Variants in RAD51B observed in about 807,000 individuals in gnomAD.
RAD51B encodes the protein RAD51 paralog B, also known as DNA repair protein RAD51 homolog 2.
In RAD51B, 38 loss-of-function variants were observed where a neutral mutation model predicts 42.2. That is an observed-to-expected ratio of 0.90 (90% confidence interval 0.70 to 1.18). The LOEUF (loss-of-function observed/expected upper bound fraction) is 1.18, where lower values mean the gene tolerates loss of function less well. Ranked by LOEUF, RAD51B falls within the 50% of genes most tolerant of loss-of-function variation. The probability of loss-of-function intolerance (pLI) is 0.00; values close to 1 mark genes in which losing one functional copy is unlikely to be tolerated. For missense variants in RAD51B, 373 were observed against 400.7 expected (o/e 0.93, Z 0.59); for synonymous variants, 154 against 145.2 (o/e 1.06, Z -0.43).
At chr14:67,871,232 C>G (rs2042519208) in intron 5 of RAD51B, among the ~76,000 whole-genome samples, 1 of 151,852 alleles carries the variant, frequency 6.6e-6, no homozygotes, top group South Asian at 2.1e-4. Flanking sequence ...CAAATAGATG[C>G]AATAAAAAAT....
At chr14:68,371,899 A>G (rs1434793248) in intron 8 of RAD51B, among the ~76,000 whole-genome samples, 1 of 152,236 alleles carries the variant, frequency 6.6e-6, no homozygotes, top group Non-Finnish European at 1.5e-5. Flanking sequence ...GACAATGACA[A>G]AGCAGCTGAA....
Position 68,411,405 on chromosome 14 carries a change from T to A in RAD51B, c.854-19T>A. The A allele has an allele frequency of 6.2e-7, 1 of 1,608,434 alleles. No individual in the cohort carries two copies. The highest frequency in any genetic ancestry group is 8.5e-7 in the Non-Finnish European group (1 of 1,175,056). On this transcript the variant is annotated intron_variant, in intron 8 of 10. Transcript: ENST00000471583. ...CAAGAAAGGGCATCTGAAAGCGTGC[T>A]TTTACCATTTCATTTCAGGCACTTC...
intron 7 of RAD51B, among the ~76,000 whole-genome samples, chr14:68,185,026 A>G (rs2079130198): frequency 6.6e-6 from 1 of 152,164 alleles, no homozygotes; most frequent in South Asian, 2.1e-4. Context: ...TAGCAGTGGG[A>G]CTAGGAGTGA....
chr14:68,099,587 A>C (rs1453060034), intron 7 of RAD51B, among the ~76,000 whole-genome samples: 3 of 152,218 alleles, frequency 2.0e-5, no homozygotes. Context: ...TTTATGTTTA[A>C]GTAAGCCCCT....
intron 7 of RAD51B, among the ~76,000 whole-genome samples, chr14:67,946,448 A>C (rs747188553): frequency 1.1e-4 from 17 of 152,024 alleles, no homozygotes; most frequent in Non-Finnish European, 2.2e-4. Context: ...GGCTCACTGC[A>C]ACCTCCGCCT....
chr14:68,459,385 GA>G (rs1421764354), intron 9 of RAD51B, among the ~76,000 whole-genome samples: 3 of 152,224 alleles, frequency 2.0e-5, no homozygotes, highest in African/African-American at 7.2e-5. Flanking sequence ...ACCCTGGCAT[GA>G]AGGATTTCTG....
chr14:68,032,616 G>T (rs1271164835), intron 7 of RAD51B, among the ~76,000 whole-genome samples: 2 of 151,976 alleles, frequency 1.3e-5, no homozygotes, highest in South Asian at 2.1e-4. Flanking sequence ...TCTTCTTTGG[G>T]TGCTACCATT....
intron 10 of RAD51B, among the ~76,000 whole-genome samples, chr14:68,648,953 C>T (rs61987118): frequency 0.2 from 29,841 of 151,938 alleles, 3,066 homozygotes; most frequent in South Asian, 0.24. Flanking sequence ...GAGTGCAGTC[C>T]TAGGACTGAT....
intron 7 of RAD51B, among the ~76,000 whole-genome samples, chr14:67,933,691 T>G (rs933757106): frequency 6.6e-6 from 1 of 152,164 alleles, no homozygotes; most frequent in African/African-American, 2.4e-5. Context: ...TTGCCTCAGG[T>G]GTTTCCTGTG....
chr14:68,361,995 G>A lies in RAD51B; in HGVS notation c.854-49429G>A, dbSNP rs975096602. The stretch of plus-strand genomic sequence containing the variant: ...CTGGCCCCTTGAAGTCTTTATAGTC[G>A]CCCCAAAGAAATTAGGCTAAACTTA... On this transcript the variant is annotated intron_variant, in intron 8 of 10. Transcript: ENST00000471583. 8.5e-5 allele frequency among the ~76,000 whole-genome samples: 13 copies of A among 152,158 alleles called. 1 individual carries two copies. Among genetic ancestry groups the A allele is most frequent in the African/African-American group, 2.9e-4 (12 of 41,506 alleles).
intron 7 of RAD51B, among the ~76,000 whole-genome samples, chr14:68,274,304 A>G (rs1340648670): frequency 6.6e-6 from 1 of 152,218 alleles, no homozygotes; most frequent in Non-Finnish European, 1.5e-5. Context: ...TGGCAGAGCT[A>G]CAAAATGTAC....
At chr14:68,217,271 C>G (rs564959141) in intron 7 of RAD51B, among the ~76,000 whole-genome samples, 3 of 152,314 alleles carry the variant, frequency 2.0e-5, no homozygotes, top group Admixed American at 6.5e-5. Flanking sequence ...TTCATCTCCT[C>G]TTTTCTAAAT....
intron 7 of RAD51B, among the ~76,000 whole-genome samples, chr14:68,090,840 A>C (rs1221088420): frequency 7.7e-6 from 1 of 130,452 alleles, no homozygotes; most frequent in Non-Finnish European, 1.6e-5. Context: ...TCCCAATGCT[A>C]TCCCTCCCCC....
intron 7 of RAD51B, among the ~76,000 whole-genome samples, chr14:68,054,988 C>T (rs901946749): frequency 6.6e-6 from 1 of 152,098 alleles, no homozygotes; most frequent in African/African-American, 2.4e-5. Flanking sequence ...GGGAAAATCC[C>T]CACACATTTG....
intron 7 of RAD51B, among the ~76,000 whole-genome samples, chr14:68,066,416 A>G (rs1251859662): frequency 6.6e-6 from 1 of 152,204 alleles, no homozygotes; most frequent in Admixed American, 6.5e-5. Flanking sequence ...AAGAAAAGCT[A>G]ATGCATCCTA....
At chr14:68,017,927 T>C (rs1051305789) in intron 7 of RAD51B, among the ~76,000 whole-genome samples, 6 of 152,212 alleles carry the variant, frequency 3.9e-5, no homozygotes, top group African/African-American at 1.4e-4. Context: ...GCTGAGATCG[T>C]GTCACTGTAC....
intron 10 of RAD51B, among the ~76,000 whole-genome samples, chr14:68,567,956 G>A (rs1230050629): frequency 6.6e-6 from 1 of 152,180 alleles, no homozygotes; most frequent in African/African-American, 2.4e-5. Flanking sequence ...CACATGATAT[G>A]AATGGGGCCC....
intron 7 of RAD51B, among the ~76,000 whole-genome samples, chr14:68,154,632 T>C (rs2078461706): frequency 6.6e-6 from 1 of 152,204 alleles, no homozygotes; most frequent in African/African-American, 2.4e-5. Context: ...GTGTTCCCTC[T>C]TCATGCAACA....
chr14:67,835,590 T>G (rs2041214639), intron 4 of RAD51B, among the ~76,000 whole-genome samples: 1 of 151,702 alleles, frequency 6.6e-6, no homozygotes, highest in Non-Finnish European at 1.5e-5. Flanking sequence ...ATATGTAATA[T>G]GTATGCACAT....
Sources: gnomAD v4.1 joint callset for allele counts (sites outside exome capture counted in the v4.1 genomes callset) on GRCh38, gnomAD v4.1.1 for gene constraint, MANE v1.5 for transcripts, NCBI Gene and HGNC (gene_info 2026-07-23, HGNC 2026-07-21) for gene names.